DENND2D: variants seen among roughly 807,000 people sequenced by gnomAD.
DENND2D encodes the protein DENN domain-containing protein 2D.
DENND2D carries 37 observed loss-of-function variants against 59.8 expected under a neutral mutation model. The observed-to-expected ratio is 0.62, with a 90% confidence interval of 0.48 to 0.81. The LOEUF (loss-of-function observed/expected upper bound fraction) is 0.81. Among genes scored for constraint, DENND2D ranks in the 40% least tolerant of loss-of-function variants. DENND2D has a pLI of 0.00. For synonymous variants in DENND2D, 219 were observed against 211.3 expected (o/e 1.04, Z -0.31); for missense variants, 525 against 579.7 (o/e 0.91, Z 0.97).
At chr1:111,192,433 A>C in intron 7 of DENND2D, 116 bp from the exon 8 acceptor site, 3 of 1,126,680 alleles carry the variant, frequency 2.7e-6, no homozygotes, top group African/African-American at 1.6e-5. Context: ...CCATGGGCAG[A>C]AAGGCAAGTC....
rs192582245 is a variant in DENND2D at position 111,188,457 on chromosome 1, G to A, written c.1100-87C>T. Reference sequence around the variant, plus strand: ...CTTCAAGAATGGCTTTCTTGCAGGCGGAAAGCTCCTGGGGAAAGCCATAGG... The same window carrying A: ...CTTCAAGAATGGCTTTCTTGCAGGCAGAAAGCTCCTGGGGAAAGCCATAGG... On this transcript the variant is annotated intron_variant, in intron 10 of 11. Transcript: ENST00000357640. 1.3e-4 allele frequency: 204 copies of A among 1,551,914 alleles called. 1 individual carries two copies. In the East Asian group the frequency reaches 3.4e-3, roughly 26 times the overall value.
upstream of DENND2D, chr1:111,202,300 T>G (rs1223724991): frequency 1.3e-5 from 2 of 152,222 alleles, no homozygotes; most frequent in African/African-American, 4.8e-5. Flanking sequence ...ATTAGACTTT[T>G]GGGATGAGGC....
upstream of DENND2D, chr1:111,200,818 G>A (rs1029847980): frequency 1.0e-4 from 81 of 781,992 alleles, no homozygotes; most frequent in Non-Finnish European, 1.3e-4. Context: ...ATGGGCTAAG[G>A]GTTTTGAATC....
At chr1:111,196,712 C>T (rs1386249565) in intron 5 of DENND2D, 6 of 165,658 alleles carry the variant, frequency 3.6e-5, no homozygotes, top group Non-Finnish European at 8.0e-5. Flanking sequence ...GTCCTGGGGA[C>T]CTCAACTGTT....
At chr1:111,196,218 G>T in intron 5 of DENND2D, 162 bp from the exon 6 acceptor site, 1 of 786,004 alleles carries the variant, frequency 1.3e-6, no homozygotes, top group Non-Finnish European at 1.9e-6. Flanking sequence ...TCCCTCCCTG[G>T]CAGAGGCTGG....
At chr1:111,188,501 GA>G (rs1448237431) in intron 10 of DENND2D, 131 bp from the exon 11 acceptor site, 1 of 1,353,790 alleles carries the variant, frequency 7.4e-7, no homozygotes, top group Non-Finnish European at 1.0e-6. Context: ...CATAATTACT[GA>G]CTGAGATGGG....
At chr1:111,202,084 C>A (rs1173292130), upstream of DENND2D, among the ~76,000 whole-genome samples, 4 of 152,184 alleles carry the variant, frequency 2.6e-5, no homozygotes, top group Non-Finnish European at 5.9e-5. Context: ...ATGCTCCTGC[C>A]TTCTGGATGC....
chr1:111,188,658 C>T (rs1235666942), intron 10 of DENND2D, 44 bp downstream of exon 10: 3 of 1,520,410 alleles, frequency 2.0e-6, no homozygotes, highest in Admixed American at 1.7e-5. Context: ...AGAAGCATGC[C>T]CTTGCACTGC....
Position 111,196,010 on chromosome 1 carries a change from A to G in DENND2D, c.551T>C (p.Ile184Thr). 6.2e-7 allele frequency: 1 copy of G among 1,613,900 alleles called. No homozygotes were observed. The highest frequency in any genetic ancestry group is 8.5e-7 in the Non-Finnish European group (1 of 1,179,920). ...TCGGAGGCCCTGCATGAACGGGTAG[A>G]TGACAGCCATGGAGATCTGATGTCT... The part of the protein sequence containing the change: ...EKRHQISMAV[I>T]YPFMQGLREA... The change falls in exon 6 of 12, where the codon ATC (isoleucine) becomes ACC (threonine). Residue 184 changes from isoleucine to threonine, a missense_variant. Ile to Thr is a moderately conservative substitution (Grantham distance 89). This residue lies in a region of DENND2D where 253 missense variants were observed against 246.4 expected (regional missense o/e 1.03). Coordinates refer to ENST00000357640, the MANE Select transcript of DENND2D (RefSeq NM_024901.5).
chr1:111,200,250 G>C (rs1658667234), intron 1 of DENND2D, 143 bp downstream of exon 1: 1 of 1,144,000 alleles, frequency 8.7e-7, no homozygotes, highest in South Asian at 1.4e-5. Context: ...AACCAGCAGA[G>C]GAAGCCTCCT....
intron 5 of DENND2D, 113 bp from the exon 6 acceptor site, chr1:111,196,169 C>T (rs1658209844): frequency 7.4e-7 from 1 of 1,351,126 alleles, no homozygotes; most frequent in Non-Finnish European, 9.9e-7. Context: ...TTCAGCTGAT[C>T]CTCATGTATC....
At chr1:111,204,223 C>A, upstream of DENND2D, 1 of 1,402,280 alleles carries the variant, frequency 7.1e-7, no homozygotes, top group South Asian at 1.5e-5. Flanking sequence ...CCACCGGGCC[C>A]CAGCCGCCAG....
chr1:111,190,294 C>T (rs1346773519), intron 8 of DENND2D, among the ~76,000 whole-genome samples: 1 of 152,052 alleles, frequency 6.6e-6, no homozygotes, highest in African/African-American at 2.4e-5. Context: ...TGTCTACAGT[C>T]CTCAAGTGAG....
chr1:111,200,026 A>G (rs1658643814), intron 1 of DENND2D: 1 of 615,216 alleles, frequency 1.6e-6, no homozygotes. Flanking sequence ...GAAAGAAACC[A>G]CTGACACAGA....
chr1:111,197,761 G>A, intron 4 of DENND2D, 159 bp downstream of exon 4: 2 of 1,441,896 alleles, frequency 1.4e-6, no homozygotes, highest in Admixed American at 2.6e-5. Flanking sequence ...TTGTGGGGCT[G>A]CAGAGGGAGC....
intron 7 of DENND2D, 100 bp downstream of exon 7, chr1:111,194,478 T>G: frequency 7.2e-7 from 1 of 1,392,676 alleles, no homozygotes; most frequent in Non-Finnish European, 9.8e-7. Context: ...GGTGGGCGCA[T>G]GGACCCTACA....
intron 6 of DENND2D, 51 bp from the exon 7 acceptor site, chr1:111,194,777 C>T: frequency 6.3e-7 from 1 of 1,598,746 alleles, no homozygotes; most frequent in Non-Finnish European, 8.5e-7. Context: ...CAAGATCATG[C>T]AGACCCCGAG....
intron 10 of DENND2D, 35 bp from the exon 11 acceptor site, chr1:111,188,405 CAGA>C: frequency 1.2e-6 from 2 of 1,602,094 alleles, no homozygotes; most frequent in Non-Finnish European, 1.7e-6. Context: ...CAGAGGGTAG[CAGA>C]AGGATGAAAT....
intron 3 of DENND2D, among the ~76,000 whole-genome samples, chr1:111,198,365 G>A (rs1658454239): frequency 6.6e-6 from 1 of 152,206 alleles, no homozygotes; most frequent in Non-Finnish European, 1.5e-5. Context: ...TCCAGCTTGG[G>A]CCAGTAGCAG....
Sources: gnomAD v4.1 joint callset for allele counts (sites outside exome capture counted in the v4.1 genomes callset) on GRCh38, gnomAD v4.1.1 for gene constraint, gnomAD v4.1.1 regional missense constraint, MANE v1.5 for transcripts, NCBI Gene and HGNC (gene_info 2026-07-23, HGNC 2026-07-21) for gene names.